The following CACNA1C variants were observed in gnomAD, a reference collection of about 807,000 sequenced individuals.
CACNA1C encodes the protein calcium voltage-gated channel subunit alpha1 C.
A neutral mutation model predicts 229.0 loss-of-function variants in CACNA1C; 30 were observed. The ratio of observed to expected loss-of-function variants is 0.13; its 90% CI spans 0.10 to 0.18. The LOEUF is 0.18. Ranked by LOEUF, CACNA1C falls within the 10% of genes least tolerant of loss-of-function variation. The pLI is 1.00. For missense variants in CACNA1C, 1,658 were observed against 2,845.0 expected, an observed-to-expected ratio of 0.58 and a Z score of 9.49; for synonymous variants, 1,114 against 1,132.5, an observed-to-expected ratio of 0.98 and a Z score of 0.33.
At chr12:2,349,639 C>T (rs2097149803) in intron 3 of CACNA1C, among the ~76,000 whole-genome samples, 1 of 152,090 alleles carries the variant, frequency 6.6e-6, no homozygotes, top group Non-Finnish European at 1.5e-5. Flanking sequence ...GAGGAAGGTA[C>T]TGCAGAGGGT....
At chr12:2,156,962 T>G (rs2095583366) in intron 3 of CACNA1C, among the ~76,000 whole-genome samples, 1 of 152,192 alleles carries the variant, frequency 6.6e-6, no homozygotes, top group Admixed American at 6.5e-5. Context: ...GCATGTACTG[T>G]ATGAGACAGC....
At chr12:2,294,263 G>A (rs904069313) in intron 3 of CACNA1C, among the ~76,000 whole-genome samples, 8 of 152,212 alleles carry the variant, frequency 5.3e-5, no homozygotes, top group Admixed American at 3.9e-4. Flanking sequence ...GCAGGAGTCA[G>A]CGAGAAGACA....
Position 2,403,986 on chromosome 12 carries a change from C to T in CACNA1C, c.478-44990C>T, listed in dbSNP as rs1295413701. ...AGAATGTCCTTGCTGTGTACCAGGGCACACTGTGGGCTCCGTCCAGCCAGG... is the reference window on the plus strand; with the variant it reads ...AGAATGTCCTTGCTGTGTACCAGGGTACACTGTGGGCTCCGTCCAGCCAGG... On this transcript the variant is annotated intron_variant, in intron 3 of 46. Transcript: ENST00000399655. The surrounding 1 kb of genome is among the most constrained non-coding windows in gnomAD (Gnocchi z 4.1). Among the ~76,000 whole-genome samples, 1 of 152,226 alleles carries T rather than the reference C, an allele frequency of 6.6e-6. No homozygotes were observed. Among genetic ancestry groups the T allele is most frequent in the East Asian group, 1.9e-4 (1 of 5,196 alleles).
At chr12:2,232,071 T>C (rs1558143) in intron 3 of CACNA1C, among the ~76,000 whole-genome samples, 3 of 152,136 alleles carry the variant, frequency 2.0e-5, no homozygotes, top group African/African-American at 7.2e-5. Flanking sequence ...ATGGGTATAA[T>C]ACTTTTAACA....
intron 1 of CACNA1C, among the ~76,000 whole-genome samples, chr12:1,989,861 T>C (rs2038910779): frequency 6.6e-6 from 1 of 152,254 alleles, no homozygotes; most frequent in Admixed American, 6.5e-5. Context: ...TATGGGAATA[T>C]TACAAAAGAA....
intron 42 of CACNA1C, among the ~76,000 whole-genome samples, chr12:2,680,933 C>T (rs2097114806): frequency 6.6e-6 from 1 of 152,208 alleles, no homozygotes; most frequent in African/African-American, 2.4e-5. Flanking sequence ...ATGTGCCGGC[C>T]TGAAGGGCTG....
chr12:2,105,663 ATCCTGAAGCCACTGGGCGCCCACCCCGGG>A (rs2078061629), intron 1 of CACNA1C, among the ~76,000 whole-genome samples: 43 of 33,642 alleles, frequency 1.3e-3, no homozygotes, highest in African/African-American at 4.1e-3. Flanking sequence ...TCAGCTGGGC[ATCCTGAAGCCACTGGGCGCCCACCCCGGG>A]GAGGGTTTCC....
chr12:2,333,398 A>G lies in CACNA1C; in HGVS notation c.478-115578A>G, dbSNP rs1260140836. ...TGGGGGCGCTGGCCCCCACGCTGCCATCCTGACTTGTCAGCCTGTTTGCTT... is the reference window on the plus strand; with the variant it reads ...TGGGGGCGCTGGCCCCCACGCTGCCGTCCTGACTTGTCAGCCTGTTTGCTT... On this transcript the variant is annotated intron_variant, in intron 3 of 46. Coordinates refer to ENST00000399655, the MANE Select transcript of CACNA1C (RefSeq NM_000719.7). Among the ~76,000 whole-genome samples, 5 of 152,182 alleles carry G rather than the reference A, an allele frequency of 3.3e-5. No individual in the cohort carries two copies. The East Asian group carries it at 9.6e-4, about 29-fold the overall frequency.
At chr12:2,514,943 A>G (rs929030746) in intron 9 of CACNA1C, among the ~76,000 whole-genome samples, 3 of 152,330 alleles carry the variant, frequency 2.0e-5, no homozygotes, top group South Asian at 2.1e-4. Flanking sequence ...TTTCTTGACA[A>G]ACTTTGAGAA....
chr12:2,586,053 T>C, intron 18 of CACNA1C, 149 bp downstream of exon 18: 1 of 520,976 alleles, frequency 1.9e-6, no homozygotes, highest in South Asian at 3.8e-5. Flanking sequence ...TCTATCTCTA[T>C]ATTTAAGCAT....
In CACNA1C at chr12:2,053,457, G is replaced by T; in HGVS notation, c.-106G>T. The T allele has an allele frequency of 1.4e-6, 2 of 1,480,044 alleles. No homozygotes were observed. The highest frequency in any genetic ancestry group is 1.4e-5 in the South Asian group (1 of 74,010). The allele number at this position is 1,480,044 out of a possible 1,614,324, so 91.7% of individuals were successfully genotyped here. A position where few individuals can be genotyped will look rare whatever the true frequency, so the allele number is the denominator to read the frequency against. On this transcript the variant is annotated 5_prime_UTR_variant, in exon 1 of 47. Transcript: ENST00000399655. This position sits in a 1 kb window ranked among gnomAD's most constrained non-coding sequence, Gnocchi z 5.8. ...ACCACGGCTTCCTCGAATCTTGCGC[G>T]AAAGCCGCCGGCCTCGGAGGAGGGA...
chr12:2,416,417 A>G lies in CACNA1C; in HGVS notation c.478-32559A>G, dbSNP rs560879357. Among the ~76,000 whole-genome samples, 6 of 152,302 alleles carry G rather than the reference A, an allele frequency of 3.9e-5. No individual in the cohort carries two copies. In the South Asian group the frequency reaches 1.2e-3, roughly 32 times the overall value. The stretch of plus-strand genomic sequence containing the variant: ...GGAAAAGAGAGGGGAAGGGAGGAAG[A>G]AAAAAGAGAAGGAAGGAAGGAGTGG... On this transcript the variant is annotated intron_variant, in intron 3 of 46. Transcript: ENST00000399655.
chr12:2,577,133 CTG>C lies in CACNA1C; in HGVS notation c.1896-4455_1896-4454del, dbSNP rs200443065. ...CTCGGGCCCAACCCCATCTTTCTCT[CTG>C]TTGAATGGGAAGCAACAGTAGGCTG... On this transcript the variant is annotated intron_variant, in intron 13 of 46. Transcript: ENST00000399655. 8.5e-3 allele frequency among the ~76,000 whole-genome samples: 1,295 copies of C among 152,344 alleles called. 27 individuals carry two copies. The highest frequency in any genetic ancestry group is 0.03 in the African/African-American group (1,232 of 41,578).
chr12:2,612,665 G>A (rs1196735409), intron 29 of CACNA1C: 1 of 152,296 alleles, frequency 6.6e-6, no homozygotes, highest in African/African-American at 2.4e-5. Context: ...GAATGAGGCA[G>A]GGTCAGAATT....
At chr12:2,148,686 T>C (rs985242670) in intron 3 of CACNA1C, among the ~76,000 whole-genome samples, 1 of 151,238 alleles carries the variant, frequency 6.6e-6, no homozygotes, top group Admixed American at 6.6e-5. Flanking sequence ...TATCTGGGAC[T>C]ACAAGGCATG....
intron 3 of CACNA1C, among the ~76,000 whole-genome samples, chr12:2,405,075 C>G (rs571120409): frequency 6.6e-6 from 1 of 152,308 alleles, no homozygotes; most frequent in South Asian, 2.1e-4. Context: ...CTCGGCTACT[C>G]CCTGTGGGAT....
chr12:2,172,071 T>G (rs1356753575), intron 3 of CACNA1C, among the ~76,000 whole-genome samples: 1 of 152,050 alleles, frequency 6.6e-6, no homozygotes, highest in African/African-American at 2.4e-5. Context: ...ATAAATAAAC[T>G]CCTATTGTGC....
Position 1,979,991 on chromosome 12 carries a change from G to A in CACNA1C, c.139+8790G>A, listed in dbSNP as rs74059684. On this transcript the variant is annotated intron_variant, in intron 1 of 46. Coordinates refer to the CACNA1C transcript ENST00000682462. Reference sequence around the variant, plus strand: ...AACAATATCAAGTTTTGACAAGGATGTGGAGCAAATGGGAAGTCTTAGACA... The same window carrying A: ...AACAATATCAAGTTTTGACAAGGATATGGAGCAAATGGGAAGTCTTAGACA... Among the ~76,000 whole-genome samples the A allele has an allele frequency of 1.6e-3, 249 of 152,314 alleles. 1 individual carries two copies. The highest frequency in any genetic ancestry group is 5.8e-3 in the African/African-American group (242 of 41,574).
In CACNA1C at chr12:2,215,842, A is replaced by T. The variant is rs1290939866; in HGVS notation, c.477+95412A>T. ...GGCCTGCCTGCCTGGGGAGCAGCTG[A>T]TGGCGAATCTGTGTCCTAGAACACG... is the stretch of plus-strand genomic sequence containing the variant. On this transcript the variant is annotated intron_variant, in intron 3 of 46. Coordinates refer to ENST00000399655, the MANE Select transcript of CACNA1C (RefSeq NM_000719.7). This position sits in a 1 kb window ranked among gnomAD's most constrained non-coding sequence, Gnocchi z 5.0. Among the ~76,000 whole-genome samples, 1 of 152,192 alleles carries T rather than the reference A, an allele frequency of 6.6e-6. No homozygotes were observed. Among genetic ancestry groups the T allele is most frequent in the African/African-American group, 2.4e-5 (1 of 41,448 alleles).
Sources: allele counts gnomAD v4.1 joint callset (sites outside exome capture counted in the v4.1 genomes callset), GRCh38; gene constraint gnomAD v4.1.1; non-coding constraint Gnocchi (gnomAD v3.1); transcripts MANE v1.5; gene names NCBI Gene and HGNC (gene_info 2026-07-23, HGNC 2026-07-21).